CCDC85A: variants seen among roughly 807,000 people sequenced by gnomAD.
CCDC85A encodes the protein coiled-coil domain containing 85A.
In CCDC85A, 38 loss-of-function variants were observed where a neutral mutation model predicts 50.2. That is an observed-to-expected ratio of 0.76 (90% CI 0.58 to 0.99). CCDC85A has a LOEUF of 0.99. Among genes scored for constraint, CCDC85A ranks in the 50% least tolerant of loss-of-function variants. CCDC85A has a pLI of 0.00. For synonymous variants in CCDC85A, 366 were observed against 301.4 expected (o/e 1.21, Z -2.22); for missense variants, 820 against 742.0 (o/e 1.11, Z -1.22).
intron 2 of CCDC85A, among the ~76,000 whole-genome samples, chr2:56,335,141 A>G (rs184543375): frequency 4.5e-4 from 69 of 152,332 alleles, no homozygotes; most frequent in Non-Finnish European, 8.8e-5. Context: ...TTAGTGAGAA[A>G]TATAATCACT....
chr2:56,239,664 G>A (rs530842878), intron 2 of CCDC85A, among the ~76,000 whole-genome samples: 3 of 152,208 alleles, frequency 2.0e-5, no homozygotes, highest in East Asian at 3.9e-4. Flanking sequence ...GTTCATCAAC[G>A]GTTATTGAGC....
At chr2:56,226,899 G>T (rs1416476178) in intron 2 of CCDC85A, among the ~76,000 whole-genome samples, 1 of 152,028 alleles carries the variant, frequency 6.6e-6, no homozygotes, top group Non-Finnish European at 1.5e-5. Flanking sequence ...CTGAGTATTG[G>T]TGGCTTTTTC....
At chr2:56,323,849 G>T (rs1249538369) in intron 2 of CCDC85A, among the ~76,000 whole-genome samples, 2 of 152,084 alleles carry the variant, frequency 1.3e-5, no homozygotes, top group African/African-American at 4.8e-5. Context: ...GTCTCTTGAT[G>T]ATAAATTGAC....
At chr2:56,294,445 A>C (rs1310586873) in intron 2 of CCDC85A, among the ~76,000 whole-genome samples, 1 of 152,206 alleles carries the variant, frequency 6.6e-6, no homozygotes, top group African/African-American at 2.4e-5. Context: ...AACTTAAATA[A>C]AATTTTTAAA....
chr2:56,382,321 A>C (rs753310767), intron 5 of CCDC85A, among the ~76,000 whole-genome samples: 19 of 151,992 alleles, frequency 1.3e-4, no homozygotes, highest in Non-Finnish European at 2.6e-4. Flanking sequence ...ACTCAGATAG[A>C]ACTTGGGACC....
intron 2 of CCDC85A, among the ~76,000 whole-genome samples, chr2:56,248,389 A>T (rs1030570424): frequency 2.6e-5 from 4 of 152,094 alleles, no homozygotes; most frequent in Admixed American, 2.6e-4. Context: ...TCCTTGTACC[A>T]GTATGGCCTG....
At chr2:56,305,961 G>T (rs1672425008) in intron 2 of CCDC85A, among the ~76,000 whole-genome samples, 1 of 152,116 alleles carries the variant, frequency 6.6e-6, no homozygotes, top group Non-Finnish European at 1.5e-5. Flanking sequence ...TCCAAGAAGT[G>T]ATTCTCTTGT....
intron 5 of CCDC85A, chr2:56,379,707 T>A: frequency 1.4e-6 from 1 of 709,710 alleles, no homozygotes; most frequent in Non-Finnish European, 1.7e-6. Flanking sequence ...ACTAACAAGC[T>A]TTTTTCCATG....
chr2:56,249,127 G>T (rs1249611290), intron 2 of CCDC85A, among the ~76,000 whole-genome samples: 1 of 152,238 alleles, frequency 6.6e-6, no homozygotes. Context: ...CAGTGACTGA[G>T]CCCAGTGGGA....
chr2:56,327,781 AC>A (rs1299347873), intron 2 of CCDC85A, among the ~76,000 whole-genome samples: 12 of 147,754 alleles, frequency 8.1e-5, no homozygotes, highest in African/African-American at 3.0e-4. Flanking sequence ...AAAGGCAAGG[AC>A]CAAGTACTGA....
At position 56,339,098 on chromosome 2, in the gene CCDC85A, GAA is replaced by G. The variant is rs1674227936; in HGVS notation, c.1241-3779_1241-3778del. ...ATCTAATAGGGAATGTGTGTTCTGA[GAA>G]AGTTATTAAGGTTTGCAATAACTGG... On this transcript the variant is annotated intron_variant, in intron 2 of 5. Coordinates refer to ENST00000407595, the MANE Select transcript of CCDC85A (RefSeq NM_001080433.2). Among the ~76,000 whole-genome samples, 3 of 152,318 alleles carry G rather than the reference GAA, an allele frequency of 2.0e-5. No homozygotes were observed. In the South Asian group the frequency reaches 6.2e-4, roughly 32 times the overall value.
rs201295783 is a variant in CCDC85A at position 56,363,083 on chromosome 2, T to TA, written c.1318-9254dup. 6.7e-3 allele frequency among the ~76,000 whole-genome samples: 1,021 copies of TA among 152,260 alleles called. 12 individuals carry two copies. The highest frequency in any genetic ancestry group is 0.023 in the African/African-American group (963 of 41,538). On this transcript the variant is annotated intron_variant, in intron 3 of 5. Transcript: ENST00000407595. Reference sequence around the variant, plus strand: ...TAAATGAGTGTATATATAGTTTGAATAAAAAAATCTTGTTTTCCATCGTAT... The same window carrying TA: ...TAAATGAGTGTATATATAGTTTGAATAAAAAAAATCTTGTTTTCCATCGTAT...
rs1043020302 is a variant in CCDC85A at position 56,385,844 on chromosome 2, G to A, written c.*1489G>A. 4 of 151,522 alleles carry A rather than the reference G, an allele frequency of 2.6e-5. No individual in the cohort carries two copies. The highest frequency in any genetic ancestry group is 2.0e-4 in the Admixed American group (3 of 15,156). The allele number at this position is 151,522 out of a possible 1,614,324, so 9.4% of individuals were successfully genotyped here. A position where few individuals can be genotyped will look rare whatever the true frequency, so the allele number is the denominator to read the frequency against. ...TTATCTCTCTAATTATCATAATTGGGTTACAATTTAAGCTCCCCTTTTAAA... is the reference window on the plus strand; with the variant it reads ...TTATCTCTCTAATTATCATAATTGGATTACAATTTAAGCTCCCCTTTTAAA... On this transcript the variant is annotated 3_prime_UTR_variant, in exon 6 of 6. Transcript: ENST00000407595.
At chr2:56,225,857 TCTC>T (rs1668519932) in intron 2 of CCDC85A, among the ~76,000 whole-genome samples, 2 of 152,194 alleles carry the variant, frequency 1.3e-5, no homozygotes, top group Admixed American at 6.6e-5. Context: ...ATAGCGTAAA[TCTC>T]CTGCTTTTTG....
chr2:56,321,808 G>A (rs573073621), intron 2 of CCDC85A, among the ~76,000 whole-genome samples: 56 of 152,152 alleles, frequency 3.7e-4, no homozygotes, highest in African/African-American at 1.3e-3. Flanking sequence ...AGTTCATATG[G>A]AACCAAAAAA....
At position 56,224,894 on chromosome 2, in the gene CCDC85A, G is replaced by T. The variant is rs1366413332; in HGVS notation, c.1240+31454G>T. Among the ~76,000 whole-genome samples the T allele has an allele frequency of 8.5e-5, 13 of 152,156 alleles. No individual in the cohort carries two copies. The East Asian group carries it at 2.5e-3, about 29-fold the overall frequency. On this transcript the variant is annotated intron_variant, in intron 2 of 5. Coordinates refer to ENST00000407595, the MANE Select transcript of CCDC85A (RefSeq NM_001080433.2). ...ATAGTTGTTTCTCATTCTGTGGGTT[G>T]TGTTTTCATTTTCTTACAAGCAGAA...
intron 2 of CCDC85A, among the ~76,000 whole-genome samples, chr2:56,237,035 T>G (rs1669050579): frequency 6.6e-6 from 1 of 152,186 alleles, no homozygotes; most frequent in African/African-American, 2.4e-5. Context: ...GGTTAACTAA[T>G]CTGTGAAAAA....
chr2:56,382,157 A>G (rs1038712035), intron 5 of CCDC85A, among the ~76,000 whole-genome samples: 1 of 152,108 alleles, frequency 6.6e-6, no homozygotes, highest in African/African-American at 2.4e-5. Flanking sequence ...ATGCCACAGA[A>G]TAGGGAAAAA....
At chr2:56,319,241 A>G (rs1673056625) in intron 2 of CCDC85A, among the ~76,000 whole-genome samples, 1 of 152,052 alleles carries the variant, frequency 6.6e-6, no homozygotes, top group Non-Finnish European at 1.5e-5. Context: ...TTATTAACCC[A>G]TTTTTCAAAT....
Sources: allele counts gnomAD v4.1 joint callset (sites outside exome capture counted in the v4.1 genomes callset), GRCh38; gene constraint gnomAD v4.1.1; transcripts MANE v1.5; gene names NCBI Gene and HGNC (gene_info 2026-07-23, HGNC 2026-07-21).